Variants in CDKAL1 observed in about 807,000 individuals in gnomAD.
CDKAL1 encodes the protein CDKAL1 threonylcarbamoyladenosine tRNA methylthiotransferase.
A neutral mutation model predicts 68.2 loss-of-function variants in CDKAL1; 32 were observed. That is an observed-to-expected ratio of 0.47 (90% CI 0.35 to 0.63). The LOEUF (loss-of-function observed/expected upper bound fraction) is 0.63, where lower values mean the gene tolerates loss of function less well. Ranked by LOEUF, CDKAL1 falls within the 30% of genes least tolerant of loss-of-function variation. The pLI, the probability that CDKAL1 is intolerant of heterozygous loss-of-function variation, is 0.00. For missense variants in CDKAL1, 606 were observed against 696.7 expected, an observed-to-expected ratio of 0.87 and a Z score of 1.47; for synonymous variants, 234 against 244.3, an observed-to-expected ratio of 0.96 and a Z score of 0.39.
At chr6:20,600,602 GT>G (rs961562751) in intron 4 of CDKAL1, among the ~76,000 whole-genome samples, 20 of 151,162 alleles carry the variant, frequency 1.3e-4, no homozygotes, top group African/African-American at 4.1e-4. Flanking sequence ...CTATTAAAAT[GT>G]TTTTTTTAAT....
chr6:20,580,921 C>T (rs1180480575), intron 4 of CDKAL1, among the ~76,000 whole-genome samples: 2 of 152,090 alleles, frequency 1.3e-5, no homozygotes, highest in African/African-American at 4.8e-5. Flanking sequence ...TCCTGAGTAA[C>T]TGGGATTATA....
intron 4 of CDKAL1, among the ~76,000 whole-genome samples, chr6:20,617,692 T>A (rs1004855252): frequency 3.9e-5 from 6 of 152,140 alleles, no homozygotes; most frequent in Non-Finnish European, 7.3e-5. Context: ...TTTGTGGTAG[T>A]TTGCTTAGAA....
At chr6:21,217,428 G>A (rs1013651752) in intron 15 of CDKAL1, among the ~76,000 whole-genome samples, 2 of 150,886 alleles carry the variant, frequency 1.3e-5, no homozygotes, top group African/African-American at 4.9e-5. Context: ...CCAAGTAGCT[G>A]GGACTATAGG....
rs76922068 is a variant in CDKAL1, at chr6:21,008,562, A to T, written c.1055+8190A>T. Among the ~76,000 whole-genome samples, 810 of 152,314 alleles carry T rather than the reference A, an allele frequency of 5.3e-3. 4 individuals are homozygous for T. The highest frequency in any genetic ancestry group is 0.01 in the Non-Finnish European group (683 of 68,026). Reference sequence around the variant, plus strand: ...GGGGCTCTGGAGAATATGAAAAAACAAAAAATATTGTTAGATTGCTTTCTT... The same window carrying T: ...GGGGCTCTGGAGAATATGAAAAAACTAAAAATATTGTTAGATTGCTTTCTT... On this transcript the variant is annotated intron_variant, in intron 11 of 15. Transcript: ENST00000274695.
intron 11 of CDKAL1, among the ~76,000 whole-genome samples, chr6:21,021,814 G>C (rs931550266): frequency 6.6e-6 from 1 of 152,106 alleles, no homozygotes; most frequent in Non-Finnish European, 1.5e-5. Flanking sequence ...AGTGCCATCC[G>C]TCCGGACATT....
chr6:20,609,542 TGC>T (rs1766520957), intron 4 of CDKAL1, among the ~76,000 whole-genome samples: 1 of 151,556 alleles, frequency 6.6e-6, no homozygotes, highest in Non-Finnish European at 1.5e-5. Flanking sequence ...ATTACAGGTG[TGC>T]ACCACCACGC....
In CDKAL1 at chr6:21,154,956, A is replaced by G. The variant is rs751772555; in HGVS notation, c.1300-43065A>G. Reference sequence around the variant, plus strand: ...TTCAGTGAGCCGATTGTGCCACTGCACTCCAGCCTGGCCACAGAGCGAGAC... The same window carrying G: ...TTCAGTGAGCCGATTGTGCCACTGCGCTCCAGCCTGGCCACAGAGCGAGAC... On this transcript the variant is annotated intron_variant, in intron 13 of 15. Coordinates refer to ENST00000274695, the MANE Select transcript of CDKAL1 (RefSeq NM_017774.3). 7.9e-5 allele frequency among the ~76,000 whole-genome samples: 12 copies of G among 151,472 alleles called. 1 individual carries two copies. The highest frequency in any genetic ancestry group is 1.2e-4 in the Non-Finnish European group (8 of 67,868).
intron 5 of CDKAL1, among the ~76,000 whole-genome samples, chr6:20,703,397 C>T (rs1771458047): frequency 6.6e-6 from 1 of 151,974 alleles, no homozygotes; most frequent in Admixed American, 6.6e-5. Flanking sequence ...TGGCACTTTA[C>T]ATAAACAATT....
intron 3 of CDKAL1, among the ~76,000 whole-genome samples, chr6:20,547,385 A>G (rs1763650127): frequency 6.6e-6 from 1 of 152,142 alleles, no homozygotes; most frequent in Non-Finnish European, 1.5e-5. Flanking sequence ...TTCTTATGAG[A>G]CAGTAGTATT....
intron 10 of CDKAL1, among the ~76,000 whole-genome samples, chr6:20,969,188 C>T (rs1453062965): frequency 6.6e-6 from 1 of 152,130 alleles, no homozygotes; most frequent in South Asian, 2.1e-4. Flanking sequence ...ACTTTTGACT[C>T]CTCCAAAAGT....
At chr6:21,179,793 G>A (rs1288156376) in intron 13 of CDKAL1, among the ~76,000 whole-genome samples, 2 of 152,100 alleles carry the variant, frequency 1.3e-5, no homozygotes, top group Admixed American at 1.3e-4. Flanking sequence ...CAGCACTTTG[G>A]TAGGCTGCCT....
At chr6:20,711,741 T>C (rs1437030938) in intron 5 of CDKAL1, among the ~76,000 whole-genome samples, 1 of 152,222 alleles carries the variant, frequency 6.6e-6, no homozygotes, top group Non-Finnish European at 1.5e-5. Context: ...CTTTTGGTTC[T>C]GTCATTCTTA....
rs932505948 is a variant in CDKAL1, at chr6:20,609,055, C to G, written c.287-40238C>G. 2.6e-5 allele frequency among the ~76,000 whole-genome samples: 4 copies of G among 152,286 alleles called. No homozygotes were observed. The South Asian group carries it at 8.3e-4, about 32-fold the overall frequency. On this transcript the variant is annotated intron_variant, in intron 4 of 15. Coordinates refer to ENST00000274695, the MANE Select transcript of CDKAL1 (RefSeq NM_017774.3). ...ATTGATTTCATGTCTGTGTCTTTATCTGTGTTACGAATGCTTTGGACTGCA... is the reference window on the plus strand; with the variant it reads ...ATTGATTTCATGTCTGTGTCTTTATGTGTGTTACGAATGCTTTGGACTGCA...
chr6:20,957,399 G>A (rs1450412416), intron 10 of CDKAL1, among the ~76,000 whole-genome samples: 1 of 152,218 alleles, frequency 6.6e-6, no homozygotes, highest in Non-Finnish European at 1.5e-5. Flanking sequence ...ACCTGAAGTA[G>A]TGCCAGACTT....
intron 11 of CDKAL1, among the ~76,000 whole-genome samples, chr6:21,033,265 A>G (rs893601303): frequency 1.3e-5 from 2 of 152,204 alleles, no homozygotes; most frequent in African/African-American, 4.8e-5. Context: ...ACAATGTAAT[A>G]GTGACCATTG....
intron 12 of CDKAL1, among the ~76,000 whole-genome samples, chr6:21,071,719 T>C (rs1272419380): frequency 2.0e-5 from 3 of 152,202 alleles, no homozygotes; most frequent in Admixed American, 6.5e-5. Context: ...TCATGTATCT[T>C]CCTCCAGGGA....
chr6:20,656,591 A>G (rs970098927), intron 5 of CDKAL1, among the ~76,000 whole-genome samples: 15 of 152,258 alleles, frequency 9.9e-5, no homozygotes, highest in African/African-American at 2.9e-4. Context: ...CCCCCTATGT[A>G]CTGAACCTAG....
At chr6:20,891,887 T>A (rs1289563227) in intron 9 of CDKAL1, among the ~76,000 whole-genome samples, 1 of 152,172 alleles carries the variant, frequency 6.6e-6, no homozygotes, top group Non-Finnish European at 1.5e-5. Context: ...CTCATGGTCA[T>A]CTGTTTTTCT....
At position 21,047,435 on chromosome 6, in the gene CDKAL1, T is replaced by C. The variant is rs188982283; in HGVS notation, c.1056-17613T>C. ...AACCTCTAGGACGTAAAGGAAAATA[T>C]TGAAATTGGTATTAGTCAAAACAGG... On this transcript the variant is annotated intron_variant, in intron 11 of 15. Transcript: ENST00000274695. Among the ~76,000 whole-genome samples the C allele has an allele frequency of 9.2e-5, 14 of 152,334 alleles. No homozygotes were observed. The East Asian group carries it at 2.5e-3, about 27-fold the overall frequency.
Sources: allele counts gnomAD v4.1 joint callset (sites outside exome capture counted in the v4.1 genomes callset), GRCh38; gene constraint gnomAD v4.1.1; transcripts MANE v1.5; gene names NCBI Gene and HGNC (gene_info 2026-07-23, HGNC 2026-07-21).